The following ZNF738 variants were observed in gnomAD, a reference collection of about 807,000 sequenced individuals.
The protein encoded by ZNF738 is zinc finger protein 738.
Under a neutral mutation model 9.2 loss-of-function variants are expected in ZNF738, and 10 were observed. The ratio of observed to expected loss-of-function variants is 1.09; its 90% confidence interval spans 0.67 to 1.85. ZNF738 has a LOEUF of 1.85. ZNF738 is among the 40% of genes most tolerant of loss of function. ZNF738 has a pLI of 0.00. For synonymous variants in ZNF738, 113 were observed against 94.5 expected (o/e 1.20, Z -1.14); for missense variants, 346 against 283.6 (o/e 1.22, Z -1.58).
At chr19:21,368,265 G>C (rs560295478) in intron 2 of ZNF738, among the ~76,000 whole-genome samples, 1 of 151,848 alleles carries the variant, frequency 6.6e-6, no homozygotes, top group Non-Finnish European at 1.5e-5. Context: ...TCCTCAACTA[G>C]GCCTCCATGA....
intron 2 of ZNF738, among the ~76,000 whole-genome samples, chr19:21,366,857 G>A (rs536535589): frequency 6.6e-6 from 1 of 152,234 alleles, no homozygotes; most frequent in African/African-American, 2.4e-5. Flanking sequence ...CTTGGTTTTG[G>A]TGGCTTTTAT....
intron 1 of ZNF738, among the ~76,000 whole-genome samples, chr19:21,359,689 AAC>A (rs1156414959): frequency 6.6e-6 from 1 of 152,174 alleles, no homozygotes; most frequent in African/African-American, 2.4e-5. Flanking sequence ...CATCCTGGCT[AAC>A]ACGGTGAAAC....
intron 1 of ZNF738, among the ~76,000 whole-genome samples, chr19:21,359,525 A>G (rs766110598): frequency 1.3e-5 from 2 of 152,166 alleles, no homozygotes; most frequent in African/African-American, 4.8e-5. Flanking sequence ...CCCAGTTCCT[A>G]TTATCTCCTA....
intron 2 of ZNF738, among the ~76,000 whole-genome samples, chr19:21,370,794 A>G (rs1241275740): frequency 6.6e-6 from 1 of 151,402 alleles, no homozygotes; most frequent in East Asian, 1.9e-4. Context: ...ATGCCCAAGG[A>G]TGCAGAGTCA....
At chr19:21,382,058 C>CTTTT in intron 4 of ZNF738, 1 of 94,530 alleles carries the variant, frequency 1.1e-5, no homozygotes. Context: ...TTCTTTTTTT[C>CTTTT]TTTCTTTCTT....
Position 21,388,296 on chromosome 19 carries a change from G to A in ZNF738, c.*4622G>A, listed in dbSNP as rs1316674995. Among the ~76,000 whole-genome samples the A allele has an allele frequency of 3.3e-5, 5 of 152,068 alleles. No individual in the cohort carries two copies. The highest frequency in any genetic ancestry group is 5.9e-5 in the Non-Finnish European group (4 of 68,000). On this transcript the variant is annotated 3_prime_UTR_variant, in exon 5 of 5. Coordinates refer to ENST00000683779, the MANE Select transcript of ZNF738 (RefSeq NM_001355237.2). The stretch of plus-strand genomic sequence containing the variant: ...GGTGTTTCTTCATTCTTATTCACTT[G>A]TGAAAGCATGTGATAATTGTTGCAT...
At chr19:21,380,892 G>A (rs1973994661) in intron 4 of ZNF738, among the ~76,000 whole-genome samples, 1 of 152,196 alleles carries the variant, frequency 6.6e-6, no homozygotes, top group South Asian at 2.1e-4. Flanking sequence ...AAGCCATTCA[G>A]TAGAGAGCTA....
intron 2 of ZNF738, among the ~76,000 whole-genome samples, chr19:21,366,122 G>C (rs776174344): frequency 4.6e-5 from 7 of 152,126 alleles, no homozygotes; most frequent in Non-Finnish European, 8.8e-5. Flanking sequence ...GGAGGGGAAA[G>C]AGCTCCCCAT....
chr19:21,369,591 A>G (rs1231740618), intron 2 of ZNF738, among the ~76,000 whole-genome samples: 2 of 152,198 alleles, frequency 1.3e-5, no homozygotes, highest in Non-Finnish European at 2.9e-5. Context: ...TCAATCTTCT[A>G]CATAGTGCTA....
Position 21,361,802 on chromosome 19 carries a change from G to A in ZNF738, c.40G>A (p.Ala14Thr), listed in dbSNP as rs760693708. Residue 14 changes from alanine to threonine, a missense_variant, in exon 2 of 5, where the codon GCA becomes ACA. Ala to Thr is a moderately conservative substitution (Grantham distance 58). Transcript: ENST00000683779. ...LRYGVYPVKG[A>T]SGYPGAERNL... ...GTATGGAGTGTATCCTGTCAAGGGG[G>A]CAAGTGGATACCCTGGGGCTGAGAG... 1 of 780,804 alleles carries A rather than the reference G, an allele frequency of 1.3e-6. No individual in the cohort carries two copies. The highest frequency in any genetic ancestry group is 2.4e-5 in the East Asian group (1 of 41,242). 48.4% of individuals were successfully genotyped at this position (780,804 alleles called of 1,614,324 possible).
intron 2 of ZNF738, among the ~76,000 whole-genome samples, chr19:21,364,440 C>T (rs1275670242): frequency 6.6e-6 from 1 of 151,918 alleles, no homozygotes; most frequent in Non-Finnish European, 1.5e-5. Context: ...TATAATGGCT[C>T]AGATTGAGGG....
chr19:21,365,399 G>T (rs1397928043), intron 2 of ZNF738, among the ~76,000 whole-genome samples: 2 of 151,998 alleles, frequency 1.3e-5, no homozygotes, highest in African/African-American at 4.8e-5. Flanking sequence ...AAATGGATTT[G>T]CCCTGGTTCA....
intron 4 of ZNF738, chr19:21,377,315 A>AT (rs1390336627): frequency 3.6e-6 from 2 of 558,410 alleles, no homozygotes; most frequent in African/African-American, 3.9e-5. Context: ...TAAAAAAAAA[A>AT]AAAATTGTAT....
intron 4 of ZNF738, chr19:21,377,776 A>G: frequency 2.8e-6 from 1 of 357,588 alleles, no homozygotes; most frequent in Non-Finnish European, 5.0e-6. Flanking sequence ...TGACCCTTGT[A>G]GAAAGGCAAA....
In ZNF738 at chr19:21,384,341, A is replaced by G. The variant is rs1431207040; in HGVS notation, c.*667A>G. On this transcript the variant is annotated 3_prime_UTR_variant, in exon 5 of 5. Coordinates refer to ENST00000683779, the MANE Select transcript of ZNF738 (RefSeq NM_001355237.2). The stretch of plus-strand genomic sequence containing the variant: ...CTGGAGAGAGACCCTACAAGTGTGA[A>G]GAATGTGGCAAAGCCTTTAATGTAT... Among the ~76,000 whole-genome samples, 1 of 152,144 alleles carries G rather than the reference A, an allele frequency of 6.6e-6. No individual in the cohort carries two copies. Among genetic ancestry groups the G allele is most frequent in the East Asian group, 1.9e-4 (1 of 5,184 alleles).
chr19:21,381,887 G>A, intron 4 of ZNF738: 1 of 272,682 alleles, frequency 3.7e-6, no homozygotes, highest in Non-Finnish European at 7.4e-6. Flanking sequence ...CTTGCTCACA[G>A]CCTGGACAGT....
chr19:21,361,664 C>A (rs12981735), intron 1 of ZNF738, 102 bp from the exon 2 acceptor site: 195 of 712,108 alleles, frequency 2.7e-4, no homozygotes, highest in Non-Finnish European at 4.1e-4. Context: ...TTTCCCGGTC[C>A]TGGGTTTCAG....
At position 21,384,111 on chromosome 19, in the gene ZNF738, C is replaced by A; in HGVS notation, c.*437C>A. ...TGAAGAATGTGGCAAAGCTTTCTAC[C>A]GATTATCTTATCTTACTACACATAA... is the stretch of plus-strand genomic sequence containing the variant. On this transcript the variant is annotated 3_prime_UTR_variant, in exon 5 of 5. Transcript: ENST00000683779. 1 of 1,505,034 alleles carries A rather than the reference C, an allele frequency of 6.6e-7. No individual in the cohort carries two copies. Among genetic ancestry groups the A allele is most frequent in the East Asian group, 2.3e-5 (1 of 43,090 alleles). 93.2% of individuals were successfully genotyped at this position (1,505,034 alleles called of 1,614,324 possible). A position where few individuals can be genotyped will look rare whatever the true frequency, so the allele number is the denominator to read the frequency against.
In ZNF738 at chr19:21,382,924, C is replaced by G. The variant is rs1014202728; in HGVS notation, c.378C>G (p.Phe126Leu). ...CACAGCCGGGCATAAAAGATTCTTT[C>G]CAAAAAGTGATACTGAGAGAATATG... The part of the protein sequence containing the change: ...LWPQPGIKDS[F>L]QKVILREYGN... The change falls in exon 5 of 5, where the codon TTC (phenylalanine) becomes TTG (leucine). Residue 126 changes from phenylalanine (F) to leucine (L), a missense_variant. Phe to Leu is a conservative substitution (Grantham distance 22). Transcript: ENST00000683779. 4 of 559,422 alleles carry G rather than the reference C, an allele frequency of 7.2e-6. No individual in the cohort carries two copies. Among genetic ancestry groups the G allele is most frequent in the South Asian group, 5.5e-5 (3 of 54,486 alleles). 34.7% of individuals were successfully genotyped at this position (559,422 alleles called of 1,614,324 possible).
Sources: gnomAD v4.1 joint callset for allele counts (sites outside exome capture counted in the v4.1 genomes callset) on GRCh38, gnomAD v4.1.1 for gene constraint, MANE v1.5 for transcripts, NCBI Gene and HGNC (gene_info 2026-07-23, HGNC 2026-07-21) for gene names.